The following IGF1R variants were observed in gnomAD, a reference collection of about 807,000 sequenced individuals.
IGF1R encodes insulin-like growth factor 1 receptor.
In IGF1R, 44 loss-of-function variants were observed where a neutral mutation model predicts 144.6. The ratio of observed to expected loss-of-function variants is 0.30; its 90% CI spans 0.24 to 0.39. The LOEUF (loss-of-function observed/expected upper bound fraction) is 0.39, where lower values mean the gene tolerates loss of function less well. IGF1R is among the 10% of genes least tolerant of loss of function. The pLI, the probability that IGF1R is intolerant of heterozygous loss-of-function variation, is 1.00. For synonymous variants in IGF1R, 795 were observed against 722.8 expected (o/e 1.10, Z -1.60); for missense variants, 1,355 against 1,833.7 (o/e 0.74, Z 4.77).
At chr15:98,666,708 TA>T (rs1230401444) in intron 1 of IGF1R, among the ~76,000 whole-genome samples, 2 of 151,536 alleles carry the variant, frequency 1.3e-5, no homozygotes, top group Non-Finnish European at 2.9e-5. Context: ...AGACGGAAAG[TA>T]GAATGGTGAG....
chr15:98,930,666 A>T (rs2015905440), intron 15 of IGF1R, among the ~76,000 whole-genome samples: 1 of 152,338 alleles, frequency 6.6e-6, no homozygotes, highest in Admixed American at 6.5e-5. Context: ...AGCTGACAAA[A>T]CAGTCCTTTT....
chr15:98,802,808 A>G (rs1480136020), intron 2 of IGF1R, among the ~76,000 whole-genome samples: 1 of 152,250 alleles, frequency 6.6e-6, no homozygotes, highest in Non-Finnish European at 1.5e-5. Flanking sequence ...ACCCCTAAGA[A>G]TTCTTAATTC....
At chr15:98,674,392 G>A (rs900933583) in intron 1 of IGF1R, among the ~76,000 whole-genome samples, 5 of 152,144 alleles carry the variant, frequency 3.3e-5, no homozygotes, top group African/African-American at 9.7e-5. Flanking sequence ...CAAGATCACC[G>A]TCAATATCAT....
intron 2 of IGF1R, among the ~76,000 whole-genome samples, chr15:98,717,944 T>C (rs1248597304): frequency 6.6e-6 from 1 of 152,010 alleles, no homozygotes; most frequent in Admixed American, 6.6e-5. Context: ...TAACGCTAGG[T>C]ATATGTGTGC....
chr15:98,899,421 G>A lies in IGF1R; in HGVS notation c.1103-56G>A, dbSNP rs889080298. On this transcript the variant is annotated intron_variant, in intron 4 of 20. Coordinates refer to ENST00000650285, the MANE Select transcript of IGF1R (RefSeq NM_000875.5). ...CTCACTTGTGTTTGTAAGAATCCAA[G>A]TATGTCACCCTTACACCAAGTGAGC... The A allele has an allele frequency of 2.9e-5, 46 of 1,570,498 alleles. 1 individual carries two copies. In the Middle Eastern group the frequency reaches 5.7e-4, roughly 19 times the overall value.
rs748365770 is a variant in IGF1R at position 98,960,717 on chromosome 15, C to T, written c.*3275C>T. The T allele has an allele frequency of 4.3e-6, 1 of 233,402 alleles. No individual in the cohort carries two copies. The highest frequency in any genetic ancestry group is 8.5e-6 in the Non-Finnish European group (1 of 118,122). The allele number at this position is 233,402 out of a possible 1,614,324, so 14.5% of individuals were successfully genotyped here. ...GAGAGCAAGAGTCACCCAGCCTGTG[C>T]GCCAGAATGCAGAGGCTCCTGACCT... is the stretch of plus-strand genomic sequence containing the variant. On this transcript the variant is annotated 3_prime_UTR_variant, in exon 21 of 21. Coordinates refer to ENST00000650285, the MANE Select transcript of IGF1R (RefSeq NM_000875.5).
intron 10 of IGF1R, among the ~76,000 whole-genome samples, chr15:98,918,646 T>G (rs375544568): frequency 8.5e-5 from 13 of 152,106 alleles, no homozygotes; most frequent in African/African-American, 3.1e-4. Context: ...TTTGGGAGGC[T>G]GAGGTGGGTG....
intron 2 of IGF1R, among the ~76,000 whole-genome samples, chr15:98,830,250 A>G (rs932774452): frequency 2.0e-5 from 3 of 152,192 alleles, no homozygotes; most frequent in Non-Finnish European, 4.4e-5. Flanking sequence ...CAGAGAACTC[A>G]TCTCCTTTAT....
intron 2 of IGF1R, among the ~76,000 whole-genome samples, chr15:98,801,364 C>G (rs2056360180): frequency 6.6e-6 from 1 of 152,242 alleles, no homozygotes; most frequent in Admixed American, 6.5e-5. Flanking sequence ...CCTCCCTGCA[C>G]TGCTTCCTGC....
At chr15:98,778,310 A>G (rs902130682) in intron 2 of IGF1R, among the ~76,000 whole-genome samples, 2 of 152,340 alleles carry the variant, frequency 1.3e-5, no homozygotes, top group East Asian at 1.9e-4. Context: ...CATCATCTTC[A>G]TTATTTGAAC....
chr15:98,845,870 C>G (rs2011309605), intron 2 of IGF1R, among the ~76,000 whole-genome samples: 1 of 152,138 alleles, frequency 6.6e-6, no homozygotes, highest in African/African-American at 2.4e-5. Context: ...GGTGCCCTAA[C>G]TAAAATTTTT....
chr15:98,959,316 T>C lies in IGF1R; in HGVS notation c.*1874T>C. 1 of 233,702 alleles carries C rather than the reference T, an allele frequency of 4.3e-6. No homozygotes were observed. 14.5% of individuals were successfully genotyped at this position (233,702 alleles called of 1,614,324 possible). On this transcript the variant is annotated 3_prime_UTR_variant, in exon 21 of 21. Transcript: ENST00000650285. ...CTTCCATCCCACGAAAAACAGCTGC[T>C]GAGTCCAAGGGAGCAGCAGAGCGTG...
chr15:98,674,818 A>G (rs1167329230), intron 1 of IGF1R, among the ~76,000 whole-genome samples: 1 of 152,018 alleles, frequency 6.6e-6, no homozygotes, highest in Non-Finnish European at 1.5e-5. Context: ...TTATATGTGT[A>G]TCTATATATT....
intron 19 of IGF1R, among the ~76,000 whole-genome samples, chr15:98,947,651 G>A (rs536911812): frequency 3.3e-5 from 5 of 152,228 alleles, no homozygotes; most frequent in Non-Finnish European, 7.3e-5. Flanking sequence ...AAAGTTGTGT[G>A]TGTACTCTCT....
chr15:98,963,212 CA>C lies in IGF1R; in HGVS notation c.*5771del, dbSNP rs886051611. 3.8e-4 allele frequency: 62 copies of C among 164,708 alleles called. No individual in the cohort carries two copies. In the South Asian group the frequency reaches 7.1e-3, roughly 19 times the overall value. 10.2% of individuals were successfully genotyped at this position (164,708 alleles called of 1,614,324 possible). A position where few individuals can be genotyped will look rare whatever the true frequency, so the allele number is the denominator to read the frequency against. On this transcript the variant is annotated 3_prime_UTR_variant, in exon 21 of 21. Transcript: ENST00000650285. ...TGTGTGCAAATGTGTGTTTGTGATC[CA>C]TTTTTTTTTTTTTTTTTTAGGACAC...
chr15:98,866,288 TAA>T (rs1398765770), intron 2 of IGF1R, among the ~76,000 whole-genome samples: 3 of 152,206 alleles, frequency 2.0e-5, no homozygotes, highest in Non-Finnish European at 4.4e-5. Flanking sequence ...GTGTACCCAG[TAA>T]ATGCAGATCC....
chr15:98,792,595 G>A (rs1284582617), intron 2 of IGF1R, among the ~76,000 whole-genome samples: 2 of 152,086 alleles, frequency 1.3e-5, no homozygotes, highest in Admixed American at 6.5e-5. Flanking sequence ...GATTATGGCT[G>A]GCCCAAATTA....
chr15:98,922,522 G>A, intron 11 of IGF1R, 91 bp downstream of exon 11: 3 of 1,485,400 alleles, frequency 2.0e-6, no homozygotes, highest in South Asian at 2.3e-5. Context: ...GACACCCAGG[G>A]CCATGACCCT....
At chr15:98,681,115 G>A (rs1483884163) in intron 1 of IGF1R, among the ~76,000 whole-genome samples, 1 of 152,072 alleles carries the variant, frequency 6.6e-6, no homozygotes, top group African/African-American at 2.4e-5. Flanking sequence ...ACCTAACTGT[G>A]CATTTCTTAG....
Sources: gnomAD v4.1 joint callset for allele counts (sites outside exome capture counted in the v4.1 genomes callset) on GRCh38, gnomAD v4.1.1 for gene constraint, MANE v1.5 for transcripts, NCBI Gene and HGNC (gene_info 2026-07-23, HGNC 2026-07-21) for gene names.